Variants in ARAP1 observed in about 807,000 individuals in gnomAD.
ARAP1 encodes the protein arf-GAP with Rho-GAP domain, ANK repeat and PH domain-containing protein 1.
Under a neutral mutation model 172.2 loss-of-function variants are expected in ARAP1, and 76 were observed. The ratio of observed to expected loss-of-function variants is 0.44; its 90% CI spans 0.37 to 0.53. ARAP1 has a LOEUF of 0.53. Among genes scored for constraint, ARAP1 ranks in the 20% least tolerant of loss-of-function variants. The pLI is 0.00. For missense variants in ARAP1, 1,686 were observed against 1,977.5 expected (o/e 0.85, Z 2.80); for synonymous variants, 804 against 803.3 (o/e 1.00, Z -0.01).
chr11:72,711,219 C>G, intron 8 of ARAP1, 78 bp from the exon 9 acceptor site: 1 of 1,581,984 alleles, frequency 6.3e-7, no homozygotes, highest in Non-Finnish European at 8.6e-7. Context: ...ATGAAGTCTG[C>G]AGCCCTGTCT....
In ARAP1 at chr11:72,726,225, A is replaced by G. The variant is rs138492720; in HGVS notation, c.509+395T>C. 1.3e-4 allele frequency among the ~76,000 whole-genome samples: 20 copies of G among 151,588 alleles called. No homozygotes were observed. The highest frequency in any genetic ancestry group is 1.5e-4 in the Non-Finnish European group (10 of 67,876). ...CCCCGCAGCTTTCCGTTTCCTACACATGTTGCCTCTTGATGCCGGCATGGA... is the reference window on the plus strand; with the variant it reads ...CCCCGCAGCTTTCCGTTTCCTACACGTGTTGCCTCTTGATGCCGGCATGGA... On this transcript the variant is annotated intron_variant, in intron 3 of 34. Coordinates refer to ENST00000393609, the MANE Select transcript of ARAP1 (RefSeq NM_001040118.3). The surrounding 1 kb of genome is among the most constrained non-coding windows in gnomAD (Gnocchi z 6.5).
intron 33 of ARAP1, among the ~76,000 whole-genome samples, chr11:72,686,810 G>A (rs61895601): frequency 0.15 from 23,278 of 151,984 alleles, 2,403 homozygotes; most frequent in Middle Eastern, 0.26. Flanking sequence ...GTGAGCCCTC[G>A]AAGACTCAAG....
intron 5 of ARAP1, 174 bp from the exon 6 acceptor site, chr11:72,712,742 A>C: frequency 9.3e-7 from 1 of 1,070,756 alleles, no homozygotes; most frequent in Non-Finnish European, 1.4e-6. Flanking sequence ...AGAGACCCAG[A>C]TCACAGGGAC....
intron 4 of ARAP1, 44 bp from the exon 5 acceptor site, chr11:72,713,287 C>T (rs1190477720): frequency 1.9e-6 from 3 of 1,573,412 alleles, no homozygotes; most frequent in Admixed American, 3.3e-5. Context: ...AGGGGCCTGG[C>T]CTCCTCTCCT....
rs200042481 is a variant in ARAP1 at position 72,686,206 on chromosome 11, G to A, written c.4186-15C>T. On this transcript the variant is annotated splice_polypyrimidine_tract_variant and intron_variant, in intron 33 of 34. Coordinates refer to ENST00000393609, the MANE Select transcript of ARAP1 (RefSeq NM_001040118.3). Reference sequence around the variant, plus strand: ...AGGCCGTCATGCTGGGGAGCAGAGAGGAAGGGGCTGGGCTCAGCTTCAGTT... The same window carrying A: ...AGGCCGTCATGCTGGGGAGCAGAGAAGAAGGGGCTGGGCTCAGCTTCAGTT... 78 of 1,606,900 alleles carry A rather than the reference G, an allele frequency of 4.9e-5. 1 individual carries two copies. In the African/African-American group the frequency reaches 9.5e-4, roughly 20 times the overall value.
At position 72,709,934 on chromosome 11, in the gene ARAP1, C is replaced by A; in HGVS notation, c.1459G>T (p.Val487Leu). ...CGGTCCACTTCCTTCACGTTGCCCA[C>A]GCTCATGTCGATGAAGGTGATGCCA... ...GIGITFIDMS[V>L]GNVKEVDRRS... Residue 487 changes from valine to leucine, a missense_variant, in exon 11 of 35, where the codon GTG (valine) becomes TTG (leucine). Coordinates refer to ENST00000393609, the MANE Select transcript of ARAP1 (RefSeq NM_001040118.3). 1.2e-6 allele frequency: 2 copies of A among 1,613,980 alleles called. No individual in the cohort carries two copies. Among genetic ancestry groups the A allele is most frequent in the Non-Finnish European group, 8.5e-7 (1 of 1,179,992 alleles).
intron 13 of ARAP1, 114 bp downstream of exon 13, chr11:72,705,691 C>T: frequency 6.1e-6 from 7 of 1,146,468 alleles, no homozygotes; most frequent in Non-Finnish European, 8.5e-6. Flanking sequence ...CACAAAGGGT[C>T]TCTTCCAGCT....
Position 72,694,970 on chromosome 11 carries a change from C to A in ARAP1, c.3694+10G>T, listed in dbSNP as rs11601039. The stretch of plus-strand genomic sequence containing the variant: ...CATACCACACCCTGCACAAGCCCAG[C>A]GTCACCCACCTGCCTCCTCCCTCTC... On this transcript the variant is annotated intron_variant, in intron 27 of 34. Transcript: ENST00000393609. 6.2e-7 allele frequency: 1 copy of A among 1,611,306 alleles called. No individual in the cohort carries two copies.
chr11:72,693,418 G>A lies in ARAP1; in HGVS notation c.3861C>T (p.Arg1287=), dbSNP rs1555010939. The A allele has an allele frequency of 6.2e-7, 1 of 1,613,794 alleles. No individual in the cohort carries two copies. Among genetic ancestry groups the A allele is most frequent in the African/African-American group, 1.3e-5 (1 of 74,894 alleles). ...AGGGCAGGCCCAGGCCCAGGAGGCTGCGGTCCTCACGGAACTTCATCATGC... is the reference window on the plus strand; with the variant it reads ...AGGGCAGGCCCAGGCCCAGGAGGCTACGGTCCTCACGGAACTTCATCATGC... ...KHGMMKFRED[R]SLLGLGLPSG... Residue 1287 remains arginine (R), a synonymous_variant, in exon 29 of 35, where the codon CGC becomes CGT. Coordinates refer to ENST00000393609, the MANE Select transcript of ARAP1 (RefSeq NM_001040118.3). The surrounding 1 kb of genome is among the most constrained non-coding windows in gnomAD (Gnocchi z 4.6).
At chr11:72,713,286 G>GC in intron 4 of ARAP1, 43 bp from the exon 5 acceptor site, 1 of 1,578,180 alleles carries the variant, frequency 6.3e-7, no homozygotes, top group Non-Finnish European at 8.7e-7. Flanking sequence ...AAGGGGCCTG[G>GC]CCTCCTCTCC....
chr11:72,720,909 A>G (rs1295846516), intron 3 of ARAP1, among the ~76,000 whole-genome samples: 6 of 152,146 alleles, frequency 3.9e-5, no homozygotes, highest in Non-Finnish European at 8.8e-5. Flanking sequence ...GCTTTCCCAC[A>G]GGCCAGCCCT....
intron 3 of ARAP1, among the ~76,000 whole-genome samples, chr11:72,718,101 C>T (rs1348996214): frequency 6.6e-6 from 1 of 152,224 alleles, no homozygotes; most frequent in African/African-American, 2.4e-5. Flanking sequence ...CTCTCGGAAG[C>T]ATCTGGGAAA....
At chr11:72,738,720 C>T (rs1193091550) in intron 1 of ARAP1, among the ~76,000 whole-genome samples, 1 of 152,242 alleles carries the variant, frequency 6.6e-6, no homozygotes, top group East Asian at 1.9e-4. Context: ...TCTGGCCAGG[C>T]CTGGGTCTAC....
chr11:72,703,991 A>T, intron 14 of ARAP1, 161 bp downstream of exon 14: 4 of 968,588 alleles, frequency 4.1e-6, no homozygotes, highest in Non-Finnish European at 6.0e-6. Context: ...AACTTTTCAC[A>T]TGGCTTAGGC....
intron 1 of ARAP1, among the ~76,000 whole-genome samples, chr11:72,746,549 C>T (rs1858371390): frequency 6.6e-6 from 1 of 152,220 alleles, no homozygotes; most frequent in Non-Finnish European, 1.5e-5. Context: ...CTCACAGGCA[C>T]ATAAAACCCT....
chr11:72,741,085 C>T lies in ARAP1; in HGVS notation c.-127-8488G>A, dbSNP rs1010448953. 6.6e-6 allele frequency among the ~76,000 whole-genome samples: 1 copy of T among 152,184 alleles called. No homozygotes were observed. Among genetic ancestry groups the T allele is most frequent in the Admixed American group, 6.5e-5 (1 of 15,284 alleles). ...TGCCCCTCTGGCCCCACCACATACC[C>T]CCGACCCCTAATGGGTCTGGGGACC... On this transcript the variant is annotated intron_variant, in intron 1 of 34. Transcript: ENST00000393609. This position sits in a 1 kb window ranked among gnomAD's most constrained non-coding sequence, Gnocchi z 4.5.
At chr11:72,711,401 G>A (rs750374602) in intron 8 of ARAP1, 29 bp downstream of exon 8, 1 of 1,600,812 alleles carries the variant, frequency 6.2e-7, no homozygotes, top group Admixed American at 1.7e-5. Flanking sequence ...CTGGAGCAGG[G>A]GTCGCGTCAG....
At chr11:72,742,661 A>G (rs1858236829) in intron 1 of ARAP1, among the ~76,000 whole-genome samples, 1 of 152,210 alleles carries the variant, frequency 6.6e-6, no homozygotes, top group Non-Finnish European at 1.5e-5. Context: ...CTGGTGATGG[A>G]GCACACTGTG....
At chr11:72,728,281 G>A (rs1241385333) in intron 2 of ARAP1, among the ~76,000 whole-genome samples, 1 of 152,188 alleles carries the variant, frequency 6.6e-6, no homozygotes, top group African/African-American at 2.4e-5. Context: ...TAGTAAGACA[G>A]TTGGGTTCAA....
Sources: gnomAD v4.1 joint callset for allele counts (sites outside exome capture counted in the v4.1 genomes callset) on GRCh38, gnomAD v4.1.1 for gene constraint, Gnocchi (gnomAD v3.1) non-coding constraint, MANE v1.5 for transcripts, NCBI Gene and HGNC (gene_info 2026-07-23, HGNC 2026-07-21) for gene names.